Variants in ALDH18A1 observed in about 807,000 individuals in gnomAD.
The protein encoded by ALDH18A1 is aldehyde dehydrogenase 18 family member A1, also known as delta-1-pyrroline-5-carboxylate synthase.
ALDH18A1 carries 44 observed loss-of-function variants against 88.8 expected under a neutral mutation model. That is an observed-to-expected ratio of 0.50 (90% CI 0.39 to 0.64). The LOEUF is 0.64. Ranked by LOEUF, ALDH18A1 falls within the 30% of genes least tolerant of loss-of-function variation. The pLI, the probability that ALDH18A1 is intolerant of heterozygous loss-of-function variation, is 0.00. For missense variants in ALDH18A1, 782 were observed against 1,009.5 expected (o/e 0.77, Z 3.05); for synonymous variants, 331 against 372.1 (o/e 0.89, Z 1.27).
intron 11 of ALDH18A1, among the ~76,000 whole-genome samples, chr10:95,621,820 T>C (rs1453915267): frequency 6.6e-6 from 1 of 152,158 alleles, no homozygotes. Flanking sequence ...AGGCATGTAA[T>C]AAGGATACTT....
At chr10:95,613,668 G>A in intron 15 of ALDH18A1, 74 bp downstream of exon 15, 3 of 1,440,420 alleles carry the variant, frequency 2.1e-6, no homozygotes, top group South Asian at 2.3e-5. Context: ...GCCTTATATG[G>A]TATGGCTGTG....
At chr10:95,650,160 G>A (rs1265814092) in intron 2 of ALDH18A1, among the ~76,000 whole-genome samples, 2 of 152,078 alleles carry the variant, frequency 1.3e-5, no homozygotes, top group African/African-American at 2.4e-5. Context: ...TTCAGAATAC[G>A]GGGTTATACA....
chr10:95,645,533 A>G (rs984583134), intron 2 of ALDH18A1, among the ~76,000 whole-genome samples: 74 of 152,164 alleles, frequency 4.9e-4, no homozygotes, highest in African/African-American at 1.7e-3. Context: ...ATGAATGGGA[A>G]GGCGACTATG....
At chr10:95,649,802 G>T (rs2097907297) in intron 2 of ALDH18A1, among the ~76,000 whole-genome samples, 2 of 151,984 alleles carry the variant, frequency 1.3e-5, no homozygotes, top group South Asian at 4.2e-4. Context: ...AATCGCTTGA[G>T]CCTGGGACGT....
At chr10:95,630,748 G>T (rs77813117) in intron 7 of ALDH18A1, among the ~76,000 whole-genome samples, 146 of 152,212 alleles carry the variant, frequency 9.6e-4, no homozygotes, top group African/African-American at 3.4e-3. Context: ...AAAACCTGTT[G>T]ATGAACCAAA....
At chr10:95,617,735 G>A (rs138697915) in intron 12 of ALDH18A1, among the ~76,000 whole-genome samples, 27 of 152,354 alleles carry the variant, frequency 1.8e-4, no homozygotes, top group Middle Eastern at 3.4e-3. Flanking sequence ...CAGATGAGGA[G>A]CCTTAGCTGT....
At chr10:95,607,286 G>C (rs1009296879) in intron 17 of ALDH18A1, among the ~76,000 whole-genome samples, 3 of 152,172 alleles carry the variant, frequency 2.0e-5, no homozygotes, top group Non-Finnish European at 4.4e-5. Flanking sequence ...GTTTTGAGGG[G>C]TACGACAATG....
intron 12 of ALDH18A1, among the ~76,000 whole-genome samples, chr10:95,619,748 A>C (rs2097849314): frequency 6.6e-6 from 1 of 152,250 alleles, no homozygotes; most frequent in Non-Finnish European, 1.5e-5. Context: ...TAGAGAGCTG[A>C]AACTGGATCC....
At chr10:95,644,343 T>C (rs1339628700) in intron 2 of ALDH18A1, among the ~76,000 whole-genome samples, 1 of 152,218 alleles carries the variant, frequency 6.6e-6, no homozygotes, top group African/African-American at 2.4e-5. Flanking sequence ...TCTATCCCCT[T>C]GGACATCTGC....
At chr10:95,615,640 C>T (rs1235707554) in intron 13 of ALDH18A1, among the ~76,000 whole-genome samples, 1 of 152,190 alleles carries the variant, frequency 6.6e-6, no homozygotes, top group Admixed American at 6.5e-5. Flanking sequence ...AAAATCTGCG[C>T]TCTTTCCAAC....
rs1288529871 is a variant in ALDH18A1, at chr10:95,613,867, AAAG to A, written c.1802-7_1802-5del. On this transcript the variant is annotated splice_region_variant and splice_polypyrimidine_tract_variant and intron_variant, in intron 14 of 17. Transcript: ENST00000371224. ...TATTCACATTTAGAGTCTCTGACTG[AAAG>A]AAGATGAGCAAAGAATTGTTTCCAT... The A allele has an allele frequency of 6.2e-7, 1 of 1,614,220 alleles. No homozygotes were observed. Among genetic ancestry groups the A allele is most frequent in the East Asian group, 2.2e-5 (1 of 44,884 alleles).
chr10:95,614,856 T>C (rs2097841617), intron 13 of ALDH18A1, among the ~76,000 whole-genome samples: 1 of 152,180 alleles, frequency 6.6e-6, no homozygotes, highest in South Asian at 2.1e-4. Flanking sequence ...ACAATCTAAA[T>C]ATTCATCAAG....
At chr10:95,625,841 G>A (rs1179199827) in intron 10 of ALDH18A1, among the ~76,000 whole-genome samples, 1 of 152,038 alleles carries the variant, frequency 6.6e-6, no homozygotes, top group Non-Finnish European at 1.5e-5. Context: ...CTGTACAGGG[G>A]CCAGTACTTT....
In ALDH18A1 at chr10:95,613,965, C is replaced by T; in HGVS notation, c.1801+1G>A. On this transcript the variant is annotated splice_donor_variant, in intron 14 of 17. Transcript: ENST00000371224. LOFTEE classifies it high-confidence loss of function. Reference sequence around the variant, plus strand: ...GAAAGAGAAGACCCCATCCAGCTCACCTAGCCTGGTGACCTTATCAACACT... The same window carrying T: ...GAAAGAGAAGACCCCATCCAGCTCATCTAGCCTGGTGACCTTATCAACACT... 1 of 1,614,194 alleles carries T rather than the reference C, an allele frequency of 6.2e-7. No homozygotes were observed. Among genetic ancestry groups the T allele is most frequent in the Non-Finnish European group, 8.5e-7 (1 of 1,180,026 alleles).
intron 16 of ALDH18A1, 51 bp downstream of exon 16, chr10:95,611,205 C>T: frequency 6.2e-7 from 1 of 1,608,236 alleles, no homozygotes; most frequent in Non-Finnish European, 8.5e-7. Context: ...GGAGCAGGAT[C>T]AGAAAGCAGC....
Position 95,643,124 on chromosome 10 carries a change from A to G in ALDH18A1, c.171T>C (p.His57=). 1 of 1,614,278 alleles carries G rather than the reference A, an allele frequency of 6.2e-7. No individual in the cohort carries two copies. Among genetic ancestry groups the G allele is most frequent in the Non-Finnish European group, 8.5e-7 (1 of 1,180,050 alleles). Residue 57 remains histidine (H), a synonymous_variant, in exon 3 of 18, where the codon CAT becomes CAC. Coordinates refer to ENST00000371224, the MANE Select transcript of ALDH18A1 (RefSeq NM_002860.4). The part of the protein sequence containing the change: ...PFITVPLSRT[H]GKSFAHRSEL... ...CACTGCGGTGGGCGAAGGACTTGCC[A>G]TGTGTACGACTGAGGGGTACAGTGA...
At chr10:95,616,667 C>G in intron 12 of ALDH18A1, 53 bp from the exon 13 acceptor site, 1 of 1,573,886 alleles carries the variant, frequency 6.4e-7, no homozygotes, top group Non-Finnish European at 8.6e-7. Context: ...GTAATAGCAA[C>G]AGTGATGTTA....
intron 3 of ALDH18A1, among the ~76,000 whole-genome samples, chr10:95,641,561 T>A (rs1010571028): frequency 2.0e-5 from 3 of 151,822 alleles, no homozygotes; most frequent in East Asian, 3.9e-4. Flanking sequence ...TTGCCCAGGT[T>A]GTAGTGCAGC....
At chr10:95,608,337 T>C (rs928316763) in intron 17 of ALDH18A1, among the ~76,000 whole-genome samples, 2 of 152,212 alleles carry the variant, frequency 1.3e-5, no homozygotes, top group Non-Finnish European at 2.9e-5. Flanking sequence ...GATAATTACA[T>C]CAAAATCCCA....
Sources: gnomAD v4.1 joint callset for allele counts (sites outside exome capture counted in the v4.1 genomes callset) on GRCh38, gnomAD v4.1.1 for gene constraint, MANE v1.5 for transcripts, NCBI Gene and HGNC (gene_info 2026-07-23, HGNC 2026-07-21) for gene names.